HYDIN: variants seen among roughly 807,000 people sequenced by gnomAD.
HYDIN encodes axonemal central pair apparatus protein HYDIN.
HYDIN carries 132 observed loss-of-function variants against 403.9 expected under a neutral mutation model. The ratio of observed to expected loss-of-function variants is 0.33; its 90% confidence interval spans 0.28 to 0.38. The LOEUF (loss-of-function observed/expected upper bound fraction) is 0.38. Among genes scored for constraint, HYDIN ranks in the 10% least tolerant of loss-of-function variants. The pLI, the probability that HYDIN is intolerant of heterozygous loss-of-function variation, is 1.00. For missense variants in HYDIN, 2,827 were observed against 5,009.5 expected (o/e 0.56, Z 13.15); for synonymous variants, 1,202 against 1,891.7 (o/e 0.64, Z 9.46).
At chr16:71,050,626 T>A (rs1374032398) in intron 18 of HYDIN, among the ~76,000 whole-genome samples, 1 of 151,580 alleles carries the variant, frequency 6.6e-6, no homozygotes, top group Non-Finnish European at 1.5e-5. Flanking sequence ...TAGAACGTCA[T>A]ACAATTGGAA....
At chr16:71,230,513 C>G in intron 1 of HYDIN, 49 bp downstream of exon 1, 1 of 1,495,586 alleles carries the variant, frequency 6.7e-7, no homozygotes, top group Non-Finnish European at 8.9e-7. Context: ...CCGGTTAGCC[C>G]CCATGTCCCT....
intron 14 of HYDIN, among the ~76,000 whole-genome samples, chr16:71,068,040 G>A (rs7192899): frequency 1.3e-5 from 2 of 150,892 alleles, no homozygotes; most frequent in Non-Finnish European, 2.9e-5. Context: ...GAATTGCACA[G>A]ACAATTCATT....
chr16:71,120,796 T>A (rs1458112052), intron 9 of HYDIN, among the ~76,000 whole-genome samples: 1 of 151,974 alleles, frequency 6.6e-6, no homozygotes, highest in African/African-American at 2.4e-5. Flanking sequence ...TATATACATA[T>A]GTAATTTTCC....
At chr16:71,206,661 A>G (rs1425505697) in intron 1 of HYDIN, among the ~76,000 whole-genome samples, 1 of 152,218 alleles carries the variant, frequency 6.6e-6, no homozygotes, top group Non-Finnish European at 1.5e-5. Flanking sequence ...AACCCAATCC[A>G]AGGAAGCTAA....
At chr16:70,892,593 G>A (rs1344900118) in intron 55 of HYDIN, 64 bp from the exon 56 acceptor site, 3 of 1,545,580 alleles carry the variant, frequency 1.9e-6, no homozygotes, top group South Asian at 2.6e-5. Flanking sequence ...TCCCAGAGAG[G>A]AGACTCTAGA....
At chr16:70,976,329 A>C (rs1784337108) in intron 30 of HYDIN, among the ~76,000 whole-genome samples, 1 of 152,242 alleles carries the variant, frequency 6.6e-6, no homozygotes, top group Non-Finnish European at 1.5e-5. Flanking sequence ...ATACTTATTC[A>C]ATAATAAAAT....
chr16:71,185,166 C>T (rs1026324915), intron 2 of HYDIN, among the ~76,000 whole-genome samples, 176 bp from the exon 3 acceptor site: 2 of 152,096 alleles, frequency 1.3e-5, no homozygotes, highest in Non-Finnish European at 2.9e-5. Context: ...GAAGTACCCA[C>T]GCACTTTTGA....
chr16:71,209,285 G>A (rs2088462377), intron 1 of HYDIN, among the ~76,000 whole-genome samples: 1 of 150,826 alleles, frequency 6.6e-6, no homozygotes, highest in African/African-American at 2.4e-5. Flanking sequence ...CAGAACTGAA[G>A]ACAAAAACCA....
chr16:71,002,084 A>G (rs1460782576), intron 23 of HYDIN, among the ~76,000 whole-genome samples: 1 of 152,204 alleles, frequency 6.6e-6, no homozygotes, highest in East Asian at 1.9e-4. Flanking sequence ...TTCTTTATGT[A>G]GTATGTAGAC....
intron 73 of HYDIN, among the ~76,000 whole-genome samples, chr16:70,851,120 C>G (rs2038611121): frequency 1.3e-5 from 2 of 148,910 alleles, no homozygotes; most frequent in Admixed American, 6.8e-5. Flanking sequence ...TAGACATCAG[C>G]CTTGGAAAAG....
intron 23 of HYDIN, among the ~76,000 whole-genome samples, chr16:70,999,174 G>A (rs995013179): frequency 7.2e-5 from 11 of 152,172 alleles, no homozygotes; most frequent in African/African-American, 2.4e-4. Context: ...CTCAGTGTTG[G>A]CTGGCCATTG....
At chr16:70,979,711 T>C (rs536697247) in intron 29 of HYDIN, among the ~76,000 whole-genome samples, 32 of 152,238 alleles carry the variant, frequency 2.1e-4, no homozygotes, top group South Asian at 4.1e-4. Flanking sequence ...GCGGGCAGAT[T>C]GCCTGAGCTC....
At chr16:70,973,301 GT>G (rs537789136) in intron 35 of HYDIN, 41 bp downstream of exon 35, 4,700 of 320,420 alleles carry the variant, frequency 0.015, 41 homozygotes, top group Middle Eastern at 0.058. Flanking sequence ...GCTCAAAGAG[GT>G]CCAGAGAATC....
chr16:70,873,129 A>G (rs1156437528), intron 64 of HYDIN, among the ~76,000 whole-genome samples: 1 of 42,566 alleles, frequency 2.3e-5, no homozygotes, highest in African/African-American at 1.2e-4. Context: ...ATAGGTCCCC[A>G]ACTCCATTTG....
At chr16:71,061,227 T>C (rs2144270352) in intron 17 of HYDIN, among the ~76,000 whole-genome samples, 1 of 146,610 alleles carries the variant, frequency 6.8e-6, no homozygotes, top group South Asian at 2.2e-4. Flanking sequence ...TGCAGGGGGG[T>C]AGGACAGCAG....
intron 11 of HYDIN, among the ~76,000 whole-genome samples, chr16:71,092,811 C>G (rs926901984): frequency 1.4e-5 from 2 of 140,470 alleles, no homozygotes; most frequent in African/African-American, 5.7e-5. Context: ...GAACTCCTGA[C>G]CTCAAGTGAT....
intron 23 of HYDIN, among the ~76,000 whole-genome samples, chr16:71,011,758 T>C (rs1380169027): frequency 1.3e-5 from 2 of 151,294 alleles, no homozygotes; most frequent in Non-Finnish European, 2.9e-5. Context: ...CAACAGAAAT[T>C]GAGGAATGAT....
chr16:70,976,131 C>T (rs1215547061), intron 30 of HYDIN, among the ~76,000 whole-genome samples: 4 of 152,044 alleles, frequency 2.6e-5, no homozygotes, highest in Admixed American at 1.3e-4. Flanking sequence ...ATTACCATGT[C>T]GATTTAGGAT....
chr16:71,151,195 C>G (rs1398002219), intron 7 of HYDIN, among the ~76,000 whole-genome samples: 2 of 152,146 alleles, frequency 1.3e-5, no homozygotes, highest in Non-Finnish European at 2.9e-5. Context: ...AACATTCCCC[C>G]TTTTCTTAAG....
Sources: gnomAD v4.1 joint callset for allele counts (sites outside exome capture counted in the v4.1 genomes callset) on GRCh38, gnomAD v4.1.1 for gene constraint, MANE v1.5 for transcripts, NCBI Gene and HGNC (gene_info 2026-07-23, HGNC 2026-07-21) for gene names.